The following MYO1E variants were observed in gnomAD, a reference collection of about 807,000 sequenced individuals.
MYO1E encodes the protein unconventional myosin-Ie.
Under a neutral mutation model 151.1 loss-of-function variants are expected in MYO1E, and 68 were observed. The observed-to-expected ratio is 0.45, with a 90% CI of 0.37 to 0.55. The LOEUF (loss-of-function observed/expected upper bound fraction) is 0.55. Among genes scored for constraint, MYO1E ranks in the 20% least tolerant of loss-of-function variants. The probability of loss-of-function intolerance (pLI) is 0.00; values close to 1 mark genes in which losing one functional copy is unlikely to be tolerated. For missense variants in MYO1E, 1,363 were observed against 1,389.3 expected, an observed-to-expected ratio of 0.98 and a Z score of 0.30; for synonymous variants, 601 against 501.7, an observed-to-expected ratio of 1.20 and a Z score of -2.64.
chr15:59,206,821 G>A (rs2079837409), intron 14 of MYO1E: 2 of 986,164 alleles, frequency 2.0e-6, no homozygotes, highest in African/African-American at 1.6e-5. Context: ...GGGCCAGGGG[G>A]CGGGGCACGC....
intron 10 of MYO1E, among the ~76,000 whole-genome samples, chr15:59,216,678 A>T (rs1489961184): frequency 1.3e-4 from 1 of 7,684 alleles, no homozygotes; most frequent in African/African-American, 3.1e-4. Context: ...ATATATATAT[A>T]TATATATACA....
chr15:59,303,676 G>A (rs1159551025), intron 1 of MYO1E, among the ~76,000 whole-genome samples: 1 of 152,246 alleles, frequency 6.6e-6, no homozygotes, highest in African/African-American at 2.4e-5. Flanking sequence ...GTATCTGCGA[G>A]TAGTGGCACT....
At chr15:59,208,253 G>A in intron 14 of MYO1E, 1 of 638,088 alleles carries the variant, frequency 1.6e-6, no homozygotes, top group East Asian at 2.9e-5. Flanking sequence ...GCATCCACGT[G>A]CTGGACGATA....
intron 1 of MYO1E, among the ~76,000 whole-genome samples, chr15:59,320,675 A>G (rs2080620259): frequency 6.6e-6 from 1 of 152,226 alleles, no homozygotes; most frequent in South Asian, 2.1e-4. Flanking sequence ...ACCACATACA[A>G]AAATTAACCC....
intron 26 of MYO1E, among the ~76,000 whole-genome samples, chr15:59,147,707 T>A (rs1197473478): frequency 6.6e-6 from 1 of 151,544 alleles, no homozygotes. Context: ...CAAATGAGGC[T>A]CTCATGTCTA....
chr15:59,342,896 C>G (rs2080773707), intron 1 of MYO1E, among the ~76,000 whole-genome samples: 1 of 152,088 alleles, frequency 6.6e-6, no homozygotes, highest in Non-Finnish European at 1.5e-5. Context: ...AAAAGACAAC[C>G]AATAAAAACT....
Position 59,272,466 on chromosome 15 carries a change from T to C in MYO1E, c.4-17A>G. ...TTTGCTTCCCTGGGAACATAAAACA[T>C]ACAATTACTAGGATAGTTTGTTTTC... On this transcript the variant is annotated splice_polypyrimidine_tract_variant and intron_variant, in intron 1 of 27. Coordinates refer to ENST00000288235, the MANE Select transcript of MYO1E (RefSeq NM_004998.4). 6.2e-7 allele frequency: 1 copy of C among 1,613,582 alleles called. No homozygotes were observed. Among genetic ancestry groups the C allele is most frequent in the Non-Finnish European group, 8.5e-7 (1 of 1,179,484 alleles).
rs563980647 is a variant in MYO1E, at chr15:59,372,206, G to C, written c.3+292C>G. 2.0e-5 allele frequency among the ~76,000 whole-genome samples: 3 copies of C among 152,096 alleles called. No homozygotes were observed. In the East Asian group the frequency reaches 5.8e-4, roughly 29 times the overall value. On this transcript the variant is annotated intron_variant, in intron 1 of 27. Transcript: ENST00000288235. Reference sequence around the variant, plus strand: ...CTCCCGCGCCGTGCCCCTCGCAGCCGATGCGCCCACACCCTGGCTTCCGAC... The same window carrying C: ...CTCCCGCGCCGTGCCCCTCGCAGCCCATGCGCCCACACCCTGGCTTCCGAC...
At chr15:59,280,624 A>G (rs1230145845) in intron 1 of MYO1E, among the ~76,000 whole-genome samples, 2 of 147,258 alleles carry the variant, frequency 1.4e-5, no homozygotes, top group African/African-American at 4.9e-5. Flanking sequence ...GTCCATCTCA[A>G]AAAAAAAAAA....
chr15:59,213,536 T>C (rs571365005), intron 12 of MYO1E, among the ~76,000 whole-genome samples: 2 of 152,050 alleles, frequency 1.3e-5, no homozygotes, highest in South Asian at 4.2e-4. Flanking sequence ...TGTGATGATA[T>C]AAGCCTCGAC....
chr15:59,356,044 C>T (rs2080850799), intron 1 of MYO1E, among the ~76,000 whole-genome samples: 1 of 152,204 alleles, frequency 6.6e-6, no homozygotes, highest in South Asian at 2.1e-4. Context: ...TAGGCATCTA[C>T]ACTTGTGAAA....
At chr15:59,197,009 T>TTC in intron 16 of MYO1E, among the ~76,000 whole-genome samples, 1 of 141,196 alleles carries the variant, frequency 7.1e-6, no homozygotes, top group African/African-American at 2.8e-5. Flanking sequence ...TTTTTTTTTT[T>TTC]TGAGATGGAG....
At chr15:59,346,731 T>C (rs28450445) in intron 1 of MYO1E, among the ~76,000 whole-genome samples, 11,405 of 151,922 alleles carry the variant, frequency 0.075, 1,005 homozygotes, top group African/African-American at 0.21. Context: ...CTGGGTAACA[T>C]GGCAAAACCT....
intron 15 of MYO1E, among the ~76,000 whole-genome samples, chr15:59,203,540 T>A (rs1196625465): frequency 3.3e-5 from 5 of 152,132 alleles, no homozygotes; most frequent in African/African-American, 1.2e-4. Flanking sequence ...CCACCACAGC[T>A]AATTTTTGTA....
chr15:59,265,575 A>C (rs1285116184), intron 2 of MYO1E, among the ~76,000 whole-genome samples: 1 of 152,130 alleles, frequency 6.6e-6, no homozygotes, highest in Non-Finnish European at 1.5e-5. Flanking sequence ...GTCAGAATGA[A>C]ATGAAGAGGG....
intron 5 of MYO1E, 133 bp downstream of exon 5, chr15:59,236,452 C>T: frequency 1.5e-6 from 1 of 664,504 alleles, no homozygotes; most frequent in Non-Finnish European, 2.7e-6. Flanking sequence ...CCTTTCCATT[C>T]CAGATTTCAA....
At chr15:59,366,715 T>C (rs1156809267) in intron 1 of MYO1E, among the ~76,000 whole-genome samples, 3 of 151,916 alleles carry the variant, frequency 2.0e-5, no homozygotes, top group Non-Finnish European at 2.9e-5. Flanking sequence ...CCCAAAGATA[T>C]ATGAAAAAAA....
At chr15:59,302,710 T>C (rs546816452) in intron 1 of MYO1E, among the ~76,000 whole-genome samples, 6 of 152,358 alleles carry the variant, frequency 3.9e-5, no homozygotes, top group African/African-American at 9.6e-5. Context: ...ACCTTGGGGC[T>C]TGATCAATTT....
intron 22 of MYO1E, among the ~76,000 whole-genome samples, chr15:59,165,311 G>C (rs1301067799): frequency 6.6e-6 from 1 of 152,194 alleles, no homozygotes; most frequent in Non-Finnish European, 1.5e-5. Flanking sequence ...AGTGTCAGGG[G>C]AAAGGAGCTT....
Sources: gnomAD v4.1 joint callset for allele counts (sites outside exome capture counted in the v4.1 genomes callset) on GRCh38, gnomAD v4.1.1 for gene constraint, MANE v1.5 for transcripts, NCBI Gene and HGNC (gene_info 2026-07-23, HGNC 2026-07-21) for gene names.